The following AGMO variants were observed in gnomAD, a reference collection of about 807,000 sequenced individuals.
AGMO encodes alkylglycerol monooxygenase, also known as glyceryl-ether monooxygenase.
In AGMO, 75 loss-of-function variants were observed where a neutral mutation model predicts 60.2. The observed-to-expected ratio is 1.25, with a 90% confidence interval of 1.03 to 1.51. The LOEUF (loss-of-function observed/expected upper bound fraction) is 1.51, where lower values mean the gene tolerates loss of function less well. Ranked by LOEUF, AGMO falls within the 40% of genes most tolerant of loss-of-function variation. The pLI, the probability that AGMO is intolerant of heterozygous loss-of-function variation, is 0.00. For synonymous variants in AGMO, 261 were observed against 177.1 expected, an observed-to-expected ratio of 1.47 and a Z score of -3.76; for missense variants, 763 against 525.5, an observed-to-expected ratio of 1.45 and a Z score of -4.42.
chr7:15,201,812 C>A (rs7777171), intron 12 of AGMO, among the ~76,000 whole-genome samples: 3 of 151,910 alleles, frequency 2.0e-5, no homozygotes, highest in African/African-American at 7.3e-5. Flanking sequence ...TTTCGCCCAA[C>A]GTGAATTAAA....
intron 3 of AGMO, among the ~76,000 whole-genome samples, chr7:15,452,366 A>G (rs1255890602): frequency 6.6e-6 from 1 of 152,194 alleles, no homozygotes; most frequent in Admixed American, 6.5e-5. Flanking sequence ...TGGAATATAT[A>G]AAGAACTCTT....
intron 4 of AGMO, among the ~76,000 whole-genome samples, chr7:15,420,482 G>A (rs190445410): frequency 1.6e-3 from 248 of 152,218 alleles, no homozygotes; most frequent in African/African-American, 5.0e-3. Context: ...AAATATAGGT[G>A]AGGAAATAAT....
chr7:15,532,345 C>T (rs114953610), intron 3 of AGMO, among the ~76,000 whole-genome samples: 1,812 of 152,280 alleles, frequency 0.012, 32 homozygotes, highest in African/African-American at 0.042. Context: ...CTGAGATTAA[C>T]GGCCTTGGGC....
chr7:15,298,218 T>TA (rs1045386413), intron 12 of AGMO, among the ~76,000 whole-genome samples: 6 of 152,180 alleles, frequency 3.9e-5, no homozygotes, highest in African/African-American at 1.2e-4. Flanking sequence ...ATTAATGTGA[T>TA]AAAAAATGCA....
intron 12 of AGMO, among the ~76,000 whole-genome samples, chr7:15,236,924 A>C (rs907032738): frequency 5.3e-5 from 8 of 152,122 alleles, no homozygotes; most frequent in African/African-American, 1.9e-4. Context: ...CTGGTAAATA[A>C]AAGTGTTGGT....
intron 12 of AGMO, among the ~76,000 whole-genome samples, chr7:15,259,233 G>A (rs907893641): frequency 2.0e-5 from 3 of 151,900 alleles, no homozygotes; most frequent in Admixed American, 6.6e-5. Context: ...TTCTGGAAAT[G>A]AAGCATGCAC....
intron 12 of AGMO, among the ~76,000 whole-genome samples, chr7:15,335,300 A>C (rs994785681): frequency 2.0e-5 from 3 of 152,164 alleles, no homozygotes; most frequent in Admixed American, 2.0e-4. Flanking sequence ...AAATTCAAAA[A>C]GACATTCATT....
intron 12 of AGMO, among the ~76,000 whole-genome samples, chr7:15,235,212 A>G (rs1314070737): frequency 6.6e-6 from 1 of 152,032 alleles, no homozygotes; most frequent in East Asian, 1.9e-4. Flanking sequence ...TCTATAATAT[A>G]TATATATCTA....
intron 4 of AGMO, among the ~76,000 whole-genome samples, chr7:15,422,258 G>A (rs1780946496): frequency 6.6e-6 from 1 of 151,522 alleles, no homozygotes; most frequent in Non-Finnish European, 1.5e-5. Context: ...ATGGATGAGG[G>A]AGGAGATATT....
chr7:15,232,277 C>G (rs1782283785), intron 12 of AGMO, among the ~76,000 whole-genome samples: 1 of 152,148 alleles, frequency 6.6e-6, no homozygotes. Context: ...AGTGGAGGTG[C>G]CACAAGTATC....
the AGMO span, among the ~76,000 whole-genome samples, chr7:15,123,000 T>C: frequency 3.3e-5 from 5 of 152,116 alleles, no homozygotes; most frequent in Non-Finnish European, 7.4e-5. Flanking sequence ...CTTTCTGACA[T>C]GTTTTCCTAA....
At chr7:15,432,361 T>TATACATACATATATATATACAC (rs370437254) in intron 3 of AGMO, among the ~76,000 whole-genome samples, 1,859 of 122,620 alleles carry the variant, frequency 0.015, 62 homozygotes, top group African/African-American at 0.056. Context: ...CATATATATA[T>TATACATACATATATATATACAC]ACACACACAT....
At chr7:15,559,876 G>T (rs997941406) in intron 2 of AGMO, among the ~76,000 whole-genome samples, 1 of 152,056 alleles carries the variant, frequency 6.6e-6, no homozygotes, top group South Asian at 2.1e-4. Flanking sequence ...ATAACTCAGA[G>T]TTGGAACCTC....
intron 3 of AGMO, among the ~76,000 whole-genome samples, chr7:15,505,094 A>T (rs1783476581): frequency 1.3e-5 from 2 of 151,886 alleles, no homozygotes; most frequent in Non-Finnish European, 2.9e-5. Flanking sequence ...CCCCAAAATA[A>T]TCTGTACCTC....
At chr7:15,353,665 AATAT>A (rs1223086938) in intron 12 of AGMO, among the ~76,000 whole-genome samples, 2 of 152,228 alleles carry the variant, frequency 1.3e-5, no homozygotes, top group Non-Finnish European at 2.9e-5. Context: ...GTGAATCAGA[AATAT>A]ATATTAGTGT....
intron 12 of AGMO, among the ~76,000 whole-genome samples, chr7:15,203,296 G>T (rs1416321609): frequency 6.6e-6 from 1 of 151,982 alleles, no homozygotes; most frequent in Admixed American, 6.6e-5. Context: ...AAGATTACAA[G>T]TCTAGTTATG....
intron 3 of AGMO, among the ~76,000 whole-genome samples, chr7:15,516,544 G>C (rs755410490): frequency 1.4e-4 from 22 of 152,052 alleles, no homozygotes; most frequent in Admixed American, 4.6e-4. Context: ...TAAAAAAGTC[G>C]GATTACTGAA....
At chr7:15,187,127 A>C in the AGMO span, among the ~76,000 whole-genome samples, 2 of 152,196 alleles carry the variant, frequency 1.3e-5, no homozygotes, top group Non-Finnish European at 2.9e-5. Flanking sequence ...CAGACGTCTC[A>C]AGATAGCTAT....
At chr7:15,462,594 GA>G (rs1782171549) in intron 3 of AGMO, among the ~76,000 whole-genome samples, 5 of 152,142 alleles carry the variant, frequency 3.3e-5, no homozygotes, top group Non-Finnish European at 5.9e-5. Flanking sequence ...AGACATGTAC[GA>G]GCTTTAGATC....
Sources: gnomAD v4.1 joint callset for allele counts (sites outside exome capture counted in the v4.1 genomes callset) on GRCh38, gnomAD v4.1.1 for gene constraint, MANE v1.5 for transcripts, NCBI Gene and HGNC (gene_info 2026-07-23, HGNC 2026-07-21) for gene names.